VXN: variants seen among roughly 807,000 people sequenced by gnomAD.
VXN encodes the protein uncharacterized protein C8orf46.
VXN carries 7 observed loss-of-function variants against 23.1 expected under a neutral mutation model. The ratio of observed to expected loss-of-function variants is 0.30; its 90% CI spans 0.17 to 0.57. VXN has a LOEUF of 0.57. Among genes scored for constraint, VXN ranks in the 20% least tolerant of loss-of-function variants. The pLI is 0.91. For synonymous variants in VXN, 120 were observed against 105.8 expected, an observed-to-expected ratio of 1.13 and a Z score of -0.83; for missense variants, 238 against 272.6, an observed-to-expected ratio of 0.87 and a Z score of 0.89.
Position 66,515,793 on chromosome 8 carries a change from A to C in VXN, c.441-100A>C, listed in dbSNP as rs145676694. The C allele has an allele frequency of 7.8e-4, 782 of 1,006,240 alleles. 4 individuals are homozygous for C. The African/African-American group carries it at 0.012, about 15-fold the overall frequency. The allele number at this position is 1,006,240 out of a possible 1,614,324, so 62.3% of individuals were successfully genotyped here. On this transcript the variant is annotated intron_variant, in intron 5 of 5. Coordinates refer to ENST00000305454, the MANE Select transcript of VXN (RefSeq NM_152765.4). Reference sequence around the variant, plus strand: ...ACGTGGATCCCGGTCACTGAGGAGGAGCAGAGGAGAGAGAGCTCTGGCCAC... The same window carrying C: ...ACGTGGATCCCGGTCACTGAGGAGGCGCAGAGGAGAGAGAGCTCTGGCCAC...
chr8:66,512,880 G>A lies in VXN; in HGVS notation c.343-660G>A, dbSNP rs534405857. ...TGACACACGGGACCAATGGGAGGCCGAGCTGCGTAGATAGAGGGCGTCCTG... is the reference window on the plus strand; with the variant it reads ...TGACACACGGGACCAATGGGAGGCCAAGCTGCGTAGATAGAGGGCGTCCTG... On this transcript the variant is annotated intron_variant, in intron 4 of 5. Coordinates refer to ENST00000305454, the MANE Select transcript of VXN (RefSeq NM_152765.4). 2.0e-5 allele frequency among the ~76,000 whole-genome samples: 3 copies of A among 152,214 alleles called. No homozygotes were observed. The South Asian group carries it at 6.2e-4, about 32-fold the overall frequency.
intron 3 of VXN, among the ~76,000 whole-genome samples, chr8:66,509,714 T>C (rs1290575916): frequency 1.3e-5 from 2 of 152,212 alleles, no homozygotes; most frequent in East Asian, 3.8e-4. Flanking sequence ...TGATCTTATT[T>C]TTAAATAGAC....
intron 2 of VXN, among the ~76,000 whole-genome samples, chr8:66,504,298 G>A (rs1807722950): frequency 6.6e-6 from 1 of 152,108 alleles, no homozygotes; most frequent in Non-Finnish European, 1.5e-5. Context: ...TCTACAAAGT[G>A]GGTCTGAAAA....
chr8:66,505,383 C>A lies in VXN; in HGVS notation c.135C>A (p.Ile45=). The A allele has an allele frequency of 6.3e-7, 1 of 1,580,316 alleles. No individual in the cohort carries two copies. Among genetic ancestry groups the A allele is most frequent in the Non-Finnish European group, 8.6e-7 (1 of 1,164,076 alleles). Residue 45 remains isoleucine, a synonymous_variant, in exon 3 of 6, where the codon ATC becomes ATA. Coordinates refer to ENST00000305454, the MANE Select transcript of VXN (RefSeq NM_152765.4). ...TTTCCCCCGCCCGGCAGGTGGTGATCGAGTCGGACCTGTACACGCACCAGC... is the reference window on the plus strand; with the variant it reads ...TTTCCCCCGCCCGGCAGGTGGTGATAGAGTCGGACCTGTACACGCACCAGC... The part of the protein sequence containing the change: ...SQHLLTKNVV[I]ESDLYTHQPL...
chr8:66,511,057 C>T (rs1351087553), intron 4 of VXN, among the ~76,000 whole-genome samples: 2 of 152,188 alleles, frequency 1.3e-5, no homozygotes, highest in East Asian at 3.9e-4. Flanking sequence ...GACAAGGTGG[C>T]CCTCTACAGC....
At chr8:66,496,398 A>C in intron 1 of VXN, 39 bp from the exon 2 acceptor site, 1 of 1,601,040 alleles carries the variant, frequency 6.2e-7, no homozygotes, top group Non-Finnish European at 8.6e-7. Context: ...AGCCTCGCTG[A>C]TGTTGTCTAA....
intron 2 of VXN, among the ~76,000 whole-genome samples, chr8:66,502,514 G>A (rs573400067): frequency 1.2e-3 from 183 of 152,234 alleles, no homozygotes; most frequent in African/African-American, 4.0e-3. Flanking sequence ...TTGGGAGGCC[G>A]AGGCAGGTGG....
At chr8:66,509,111 T>C (rs1310828433) in intron 3 of VXN, among the ~76,000 whole-genome samples, 1 of 152,258 alleles carries the variant, frequency 6.6e-6, no homozygotes, top group Non-Finnish European at 1.5e-5. Context: ...TATTATTAGT[T>C]ACGCCAGGGC....
intron 2 of VXN, among the ~76,000 whole-genome samples, chr8:66,497,927 G>C (rs1487344938): frequency 1.3e-5 from 2 of 151,962 alleles, no homozygotes; most frequent in African/African-American, 4.8e-5. Flanking sequence ...TAGCACTTTG[G>C]GAGGCTGAGG....
chr8:66,510,988 TTA>T (rs1383794851), intron 4 of VXN, among the ~76,000 whole-genome samples: 1 of 152,138 alleles, frequency 6.6e-6, no homozygotes, highest in Non-Finnish European at 1.5e-5. Flanking sequence ...GACCAAGCTT[TTA>T]TGTTCCCTTC....
intron 4 of VXN, among the ~76,000 whole-genome samples, chr8:66,512,117 C>A (rs1394437932): frequency 1.3e-5 from 2 of 151,866 alleles, no homozygotes; most frequent in East Asian, 3.8e-4. Flanking sequence ...CACAACAGAC[C>A]CTTCCTCAGG....
chr8:66,498,402 A>C (rs535127590), intron 2 of VXN, among the ~76,000 whole-genome samples: 1 of 152,322 alleles, frequency 6.6e-6, no homozygotes, highest in South Asian at 2.1e-4. Flanking sequence ...TCTATATAAC[A>C]TGTACATATA....
intron 1 of VXN, among the ~76,000 whole-genome samples, chr8:66,494,360 T>C (rs896263380): frequency 2.6e-5 from 4 of 152,128 alleles, no homozygotes. Flanking sequence ...TGACTCCAAG[T>C]GTCTGGTTCC....
chr8:66,502,759 AAAAAAG>A (rs916408975), intron 2 of VXN, among the ~76,000 whole-genome samples: 3 of 152,136 alleles, frequency 2.0e-5, no homozygotes, highest in Non-Finnish European at 2.9e-5. Flanking sequence ...AAAATAAACA[AAAAAAG>A]AAAAAGAAAA....
At position 66,517,708 on chromosome 8, in the gene VXN, G is replaced by A. The variant is rs150088736; in HGVS notation, c.*1632G>A. The A allele has an allele frequency of 6.6e-6, 1 of 152,316 alleles. No individual in the cohort carries two copies. The highest frequency in any genetic ancestry group is 2.4e-5 in the African/African-American group (1 of 41,562). The allele number at this position is 152,316 out of a possible 1,614,324, so 9.4% of individuals were successfully genotyped here. On this transcript the variant is annotated 3_prime_UTR_variant, in exon 6 of 6. Coordinates refer to ENST00000305454, the MANE Select transcript of VXN (RefSeq NM_152765.4). ...CCCTGAAGGTTTGTTTTCTAATTCA[G>A]AGGTTTAAATTAATCTAGCCCACTT...
intron 2 of VXN, among the ~76,000 whole-genome samples, chr8:66,500,439 C>T (rs1195879647): frequency 6.6e-6 from 1 of 152,166 alleles, no homozygotes; most frequent in Non-Finnish European, 1.5e-5. Flanking sequence ...TGTGATTCTT[C>T]ATCTTTTCAT....
chr8:66,508,303 G>A (rs527317050), intron 3 of VXN, among the ~76,000 whole-genome samples: 3 of 152,034 alleles, frequency 2.0e-5, no homozygotes, highest in African/African-American at 4.8e-5. Context: ...CCTTCATCTC[G>A]GCTGTGTAGA....
At position 66,515,911 on chromosome 8, in the gene VXN, G is replaced by C; in HGVS notation, c.459G>C (p.Lys153Asn). ...TCTTTAGATCCAGACATCTCAAGAAGATGACTGAAGAGTATCCAGCCCTTC... is the reference window on the plus strand; with the variant it reads ...TCTTTAGATCCAGACATCTCAAGAACATGACTGAAGAGTATCCAGCCCTTC... ...VLMRGSRHLK[K>N]MTEEYPALPQ... is the part of the protein sequence containing the mutation. Residue 153 changes from lysine (K) to asparagine (N), a missense_variant, in exon 6 of 6, where the codon AAG (lysine) becomes AAC (asparagine). Physicochemically the swap from Lys to Asn is moderately conservative, Grantham distance 94. Coordinates refer to ENST00000305454, the MANE Select transcript of VXN (RefSeq NM_152765.4). 1 of 1,602,016 alleles carries C rather than the reference G, an allele frequency of 6.2e-7. No individual in the cohort carries two copies. The highest frequency in any genetic ancestry group is 8.5e-7 in the Non-Finnish European group (1 of 1,174,450).
At chr8:66,496,027 G>A (rs1807621951) in intron 1 of VXN, among the ~76,000 whole-genome samples, 1 of 152,064 alleles carries the variant, frequency 6.6e-6, no homozygotes, top group South Asian at 2.1e-4. Context: ...ACTACTCTAG[G>A]AACCCCATAT....
Sources: gnomAD v4.1 joint callset for allele counts (sites outside exome capture counted in the v4.1 genomes callset) on GRCh38, gnomAD v4.1.1 for gene constraint, MANE v1.5 for transcripts, NCBI Gene and HGNC (gene_info 2026-07-23, HGNC 2026-07-21) for gene names.